Variants in HACD2 observed in about 807,000 individuals in gnomAD.
HACD2 encodes very-long-chain (3R)-3-hydroxyacyl-CoA dehydratase 2.
In HACD2, 15 loss-of-function variants were observed where a neutral mutation model predicts 31.0. That is an observed-to-expected ratio of 0.48 (90% CI 0.32 to 0.75). HACD2 has a LOEUF of 0.75. HACD2 is among the 30% of genes least tolerant of loss of function. HACD2 has a pLI of 0.03. For synonymous variants in HACD2, 115 were observed against 122.2 expected, an observed-to-expected ratio of 0.94 and a Z score of 0.39; for missense variants, 283 against 313.0, an observed-to-expected ratio of 0.90 and a Z score of 0.72.
At chr3:123,528,924 A>C (rs939563449) in intron 3 of HACD2, among the ~76,000 whole-genome samples, 1 of 152,168 alleles carries the variant, frequency 6.6e-6, no homozygotes, top group African/African-American at 2.4e-5. Context: ...TACACTATCT[A>C]ATGGTTAAGT....
At chr3:123,567,872 G>A in intron 2 of HACD2, 92 bp from the exon 3 acceptor site, 2 of 742,950 alleles carry the variant, frequency 2.7e-6, no homozygotes, top group East Asian at 3.0e-5. Flanking sequence ...AGTAAGAATA[G>A]AGCAGCGTCT....
At chr3:123,574,281 A>T (rs1039390896) in intron 2 of HACD2, among the ~76,000 whole-genome samples, 2 of 152,238 alleles carry the variant, frequency 1.3e-5, no homozygotes, top group Non-Finnish European at 2.9e-5. Context: ...CTTATGCTGT[A>T]ACTGGGTAGT....
At chr3:123,571,837 A>C (rs1034551271) in intron 2 of HACD2, among the ~76,000 whole-genome samples, 3 of 152,236 alleles carry the variant, frequency 2.0e-5, no homozygotes, top group African/African-American at 7.2e-5. Flanking sequence ...ACAAAAACTA[A>C]GACCACAACC....
rs117298557 is a variant in HACD2, at chr3:123,570,504, A to C, written c.274-2724T>G. Among the ~76,000 whole-genome samples the C allele has an allele frequency of 0.013, 2,019 of 152,372 alleles. 68 individuals carry two copies. The East Asian group carries it at 0.14, about 10-fold the overall frequency. On this transcript the variant is annotated intron_variant, in intron 2 of 6. Coordinates refer to ENST00000383657, the MANE Select transcript of HACD2 (RefSeq NM_198402.5). ...ATAATAGAAATAAAGAAGTAACCTT[A>C]TACAAAGTTGGAATAACATGCTAAA...
intron 3 of HACD2, among the ~76,000 whole-genome samples, chr3:123,541,997 A>G (rs547036623): frequency 6.6e-6 from 1 of 151,480 alleles, no homozygotes; most frequent in Non-Finnish European, 1.5e-5. Context: ...AATACAAAAA[A>G]TTAGCCAGGT....
chr3:123,537,854 G>C (rs1397761950), intron 3 of HACD2, among the ~76,000 whole-genome samples: 1 of 151,440 alleles, frequency 6.6e-6, no homozygotes, highest in East Asian at 1.9e-4. Context: ...TACTTTTAAA[G>C]AACACAAATT....
chr3:123,583,865 C>T (rs1307109073), intron 1 of HACD2, among the ~76,000 whole-genome samples: 1 of 152,160 alleles, frequency 6.6e-6, no homozygotes, highest in Non-Finnish European at 1.5e-5. Context: ...TCATGTTTTT[C>T]ATTTTTAACC....
At chr3:123,552,604 A>C (rs1029673459) in intron 3 of HACD2, among the ~76,000 whole-genome samples, 3 of 152,210 alleles carry the variant, frequency 2.0e-5, no homozygotes, top group Non-Finnish European at 4.4e-5. Context: ...ATTTCAGCTA[A>C]TGAAAATGCC....
chr3:123,506,306 C>T (rs375379280), intron 4 of HACD2, among the ~76,000 whole-genome samples: 1 of 152,170 alleles, frequency 6.6e-6, no homozygotes, highest in South Asian at 2.1e-4. Flanking sequence ...CTTCAAGGGC[C>T]CAGGTCTCAT....
chr3:123,516,837 C>A (rs527656998), intron 4 of HACD2, among the ~76,000 whole-genome samples: 6 of 152,178 alleles, frequency 3.9e-5, no homozygotes, highest in Non-Finnish European at 7.3e-5. Flanking sequence ...AGCCTGTTTT[C>A]TGGAAAACAT....
chr3:123,513,396 G>A (rs1017048248), intron 4 of HACD2, among the ~76,000 whole-genome samples: 1 of 152,196 alleles, frequency 6.6e-6, no homozygotes, highest in Non-Finnish European at 1.5e-5. Context: ...ACTGGAGGTG[G>A]AGAAACCTGG....
rs1449864318 is a variant in HACD2 at position 123,563,640 on chromosome 3, TATATACACAC to T, written c.292+4112_292+4121del. 8.7e-3 allele frequency among the ~76,000 whole-genome samples: 792 copies of T among 91,230 alleles called. 4 individuals are homozygous for T. The highest frequency in any genetic ancestry group is 0.023 in the African/African-American group (637 of 27,666). The allele number at this position is 91,230 out of a possible 152,430, so 59.9% of individuals were successfully genotyped here. A position where few individuals can be genotyped will look rare whatever the true frequency, so the allele number is the denominator to read the frequency against. On this transcript the variant is annotated intron_variant, in intron 3 of 6. Coordinates refer to ENST00000383657, the MANE Select transcript of HACD2 (RefSeq NM_198402.5). ...TCTTTTTTGAATTGACAAAAAAATA[TATATACACAC>T]ACACACACACACACACACACACACA... is the stretch of plus-strand genomic sequence containing the variant.
chr3:123,499,835 C>T (rs1236561588), intron 6 of HACD2, among the ~76,000 whole-genome samples: 1 of 152,122 alleles, frequency 6.6e-6, no homozygotes, highest in Non-Finnish European at 1.5e-5. Context: ...GACTAAACTC[C>T]TCATCCTCAG....
rs149246814 is a variant in HACD2 at position 123,520,096 on chromosome 3, C to T, written c.381+8290G>A. On this transcript the variant is annotated intron_variant, in intron 4 of 6. Transcript: ENST00000383657. ...AGCTGCAGCCCTCTGAGAGGTGAGG[C>T]CTGTATGGCCTCCTGACTCACCATC... Among the ~76,000 whole-genome samples the T allele has an allele frequency of 5.3e-3, 810 of 152,296 alleles. 2 individuals are homozygous for T. Among genetic ancestry groups the T allele is most frequent in the African/African-American group, 0.019 (792 of 41,566 alleles).
chr3:123,491,622 CA>C lies in HACD2; in HGVS notation c.*3265del, dbSNP rs765360084. On this transcript the variant is annotated 3_prime_UTR_variant, in exon 7 of 7. Coordinates refer to ENST00000383657, the MANE Select transcript of HACD2 (RefSeq NM_198402.5). ...AACACAGATCAGTATTTTATGAATACAACTTATTACTACATTATCAGGTAAA... is the reference window on the plus strand; with the variant it reads ...AACACAGATCAGTATTTTATGAATACACTTATTACTACATTATCAGGTAAA... 5.2e-5 allele frequency: 8 copies of C among 152,570 alleles called. No individual in the cohort carries two copies. Among genetic ancestry groups the C allele is most frequent in the Non-Finnish European group, 1.2e-4 (8 of 68,028 alleles). The allele number at this position is 152,570 out of a possible 1,614,324, so 9.5% of individuals were successfully genotyped here.
chr3:123,576,735 T>C (rs926736177), intron 2 of HACD2, among the ~76,000 whole-genome samples: 1 of 152,130 alleles, frequency 6.6e-6, no homozygotes, highest in African/African-American at 2.4e-5. Flanking sequence ...ACAAAAGCAG[T>C]CTGAAGCACA....
intron 6 of HACD2, among the ~76,000 whole-genome samples, chr3:123,496,115 C>G (rs1232970910): frequency 6.6e-6 from 1 of 152,206 alleles, no homozygotes; most frequent in Non-Finnish European, 1.5e-5. Flanking sequence ...TCTGGACCTC[C>G]TGGGCTCAGT....
intron 6 of HACD2, among the ~76,000 whole-genome samples, chr3:123,497,862 C>T (rs1293523591): frequency 6.6e-6 from 1 of 152,208 alleles, no homozygotes; most frequent in East Asian, 1.9e-4. Context: ...GGAGGTGTTA[C>T]TTTATATAAT....
intron 3 of HACD2, among the ~76,000 whole-genome samples, chr3:123,555,752 CA>C (rs1014008728): frequency 6.6e-6 from 1 of 152,048 alleles, no homozygotes; most frequent in African/African-American, 2.4e-5. Context: ...TATGGAAAGG[CA>C]AAAGACCCAT....
Sources: allele counts gnomAD v4.1 joint callset (sites outside exome capture counted in the v4.1 genomes callset), GRCh38; gene constraint gnomAD v4.1.1; transcripts MANE v1.5; gene names NCBI Gene and HGNC (gene_info 2026-07-23, HGNC 2026-07-21).